ST7: variants seen among roughly 807,000 people sequenced by gnomAD.
ST7 encodes the protein suppression of tumorigenicity 7.
Under a neutral mutation model 78.7 loss-of-function variants are expected in ST7, and 28 were observed. The ratio of observed to expected loss-of-function variants is 0.36; its 90% CI spans 0.26 to 0.49. ST7 has a LOEUF of 0.49. Among genes scored for constraint, ST7 ranks in the 20% least tolerant of loss-of-function variants. The pLI, the probability that ST7 is intolerant of heterozygous loss-of-function variation, is 0.99. For synonymous variants in ST7, 247 were observed against 249.6 expected (o/e 0.99, Z 0.10); for missense variants, 418 against 696.0 (o/e 0.60, Z 4.49).
chr7:116,960,099 T>C (rs1255254012), intron 1 of ST7, among the ~76,000 whole-genome samples: 2 of 152,206 alleles, frequency 1.3e-5, no homozygotes, highest in Non-Finnish European at 2.9e-5. Context: ...AGTTTGATGC[T>C]ATGGCTCTTT....
chr7:117,128,691 A>T (rs1804077394), intron 3 of ST7, among the ~76,000 whole-genome samples: 1 of 151,814 alleles, frequency 6.6e-6, no homozygotes, highest in African/African-American at 2.4e-5. Context: ...CTCCATTATC[A>T]CACTGTGTTG....
chr7:117,030,289 G>A (rs1236516109), intron 1 of ST7, among the ~76,000 whole-genome samples: 2 of 152,136 alleles, frequency 1.3e-5, no homozygotes, highest in Non-Finnish European at 2.9e-5. Flanking sequence ...ATTACCCACT[G>A]AATATATGTT....
rs115714577 is a variant in ST7, at chr7:117,228,133, C to T, written c.1639-1629C>T. On this transcript the variant is annotated intron_variant, in intron 15 of 15. Transcript: ENST00000323984. Reference sequence around the variant, plus strand: ...CCTATTTCTTCCTTTACCATCCTTACTCCATCTCTCTCTTTTGATATTCCA... The same window carrying T: ...CCTATTTCTTCCTTTACCATCCTTATTCCATCTCTCTCTTTTGATATTCCA... 3.8e-3 allele frequency among the ~76,000 whole-genome samples: 579 copies of T among 152,304 alleles called. 3 individuals carry two copies. Among genetic ancestry groups the T allele is most frequent in the African/African-American group, 0.013 (540 of 41,564 alleles).
intron 1 of ST7, among the ~76,000 whole-genome samples, chr7:116,956,146 T>C (rs1585035518): frequency 6.6e-6 from 1 of 152,188 alleles, no homozygotes; most frequent in African/African-American, 2.4e-5. Context: ...TTGCAGACAT[T>C]AGAGGCCTAT....
At chr7:117,055,305 C>A (rs1471681218) in intron 1 of ST7, among the ~76,000 whole-genome samples, 1 of 152,074 alleles carries the variant, frequency 6.6e-6, no homozygotes, top group Non-Finnish European at 1.5e-5. Flanking sequence ...TGAGTTCAAG[C>A]AATTCTCCTC....
intron 1 of ST7, among the ~76,000 whole-genome samples, chr7:116,984,307 T>C (rs989467736): frequency 6.6e-6 from 1 of 152,230 alleles, no homozygotes; most frequent in Non-Finnish European, 1.5e-5. Flanking sequence ...CTTTATAAAT[T>C]ACCTAGTTTC....
intron 1 of ST7, chr7:117,022,888 T>G (rs1345925517): frequency 6.6e-6 from 1 of 152,186 alleles, no homozygotes; most frequent in African/African-American, 2.4e-5. Flanking sequence ...TTTTTGCCCA[T>G]GTTTATACCC....
intron 15 of ST7, among the ~76,000 whole-genome samples, chr7:117,227,599 T>G (rs1239409328): frequency 2.6e-5 from 4 of 152,030 alleles, no homozygotes; most frequent in Admixed American, 2.6e-4. Flanking sequence ...ATATTATGTG[T>G]GTATTTCCTA....
intron 15 of ST7, among the ~76,000 whole-genome samples, chr7:117,227,313 T>C (rs188791339): frequency 1.3e-5 from 2 of 152,328 alleles, no homozygotes; most frequent in East Asian, 3.9e-4. Context: ...CCTTCCCCAC[T>C]CAACCACAAC....
rs186884286 is a variant in ST7, at chr7:117,086,865, C to T, written c.152-12897C>T. Reference sequence around the variant, plus strand: ...CCTTAGGTACAAATGCAAAGCCAAACGTAGTTATTGGAATTGAAAATAATA... The same window carrying T: ...CCTTAGGTACAAATGCAAAGCCAAATGTAGTTATTGGAATTGAAAATAATA... On this transcript the variant is annotated intron_variant, in intron 1 of 15. Coordinates refer to ENST00000323984, the MANE Select transcript of ST7 (RefSeq NM_001369598.1). Among the ~76,000 whole-genome samples the T allele has an allele frequency of 3.3e-5, 5 of 152,212 alleles. No individual in the cohort carries two copies. The East Asian group carries it at 5.8e-4, about 18-fold the overall frequency.
intron 1 of ST7, among the ~76,000 whole-genome samples, chr7:117,079,173 T>C (rs985084508): frequency 6.6e-5 from 10 of 152,192 alleles, no homozygotes; most frequent in Non-Finnish European, 4.4e-5. Context: ...AGTAAAACAA[T>C]AGAGTAAATG....
At chr7:116,965,058 G>T (rs894301249) in intron 1 of ST7, among the ~76,000 whole-genome samples, 1 of 152,130 alleles carries the variant, frequency 6.6e-6, no homozygotes, top group Non-Finnish European at 1.5e-5. Flanking sequence ...TTCCATGGAC[G>T]GCCGGGCGCG....
At chr7:117,187,846 C>T (rs1199665237) in intron 10 of ST7, 2 of 152,042 alleles carry the variant, frequency 1.3e-5, no homozygotes, top group African/African-American at 2.4e-5. Flanking sequence ...AATGAGTATA[C>T]CCTAGAAAAC....
At chr7:117,129,880 G>A (rs765056188) in intron 4 of ST7, 33 bp downstream of exon 4, 3 of 1,582,738 alleles carry the variant, frequency 1.9e-6, no homozygotes, top group Admixed American at 1.7e-5. Context: ...AAACAAATGG[G>A]TCTGGTTCAG....
intron 1 of ST7, among the ~76,000 whole-genome samples, chr7:116,991,417 G>C (rs1293927169): frequency 6.6e-6 from 1 of 152,154 alleles, no homozygotes; most frequent in Non-Finnish European, 1.5e-5. Context: ...AGAATCATGG[G>C]GGGAGGCAAA....
intron 1 of ST7, among the ~76,000 whole-genome samples, chr7:117,082,832 G>A (rs765519679): frequency 6.0e-4 from 92 of 152,236 alleles, no homozygotes; most frequent in East Asian, 9.6e-4. Flanking sequence ...TAACAAGCAC[G>A]GCTGTGTTTA....
At chr7:117,016,526 A>G (rs929709560) in intron 1 of ST7, among the ~76,000 whole-genome samples, 2 of 152,112 alleles carry the variant, frequency 1.3e-5, no homozygotes, top group Non-Finnish European at 1.5e-5. Flanking sequence ...TTATATATGT[A>G]TAATTGATAG....
chr7:117,119,595 C>A lies in ST7; in HGVS notation c.269C>A (p.Thr90Asn). The A allele has an allele frequency of 3.1e-6, 5 of 1,612,702 alleles. No homozygotes were observed. The highest frequency in any genetic ancestry group is 1.1e-5 in the South Asian group (1 of 90,534). ...FEWWYFRKYG[T>N]SFIEQVSVSH... ...TGGTGGTATTTTCGCAAATACGGAA[C>A]TTCATTCATTGAACAAGTCTCAGTA... The change falls in exon 3 of 16, where the codon ACT (threonine) becomes AAT (asparagine). Residue 90 changes from threonine to asparagine, a missense_variant. By Grantham distance (65) the Thr-to-Asn change is moderately conservative (BLOSUM62 0). Around this residue, in one of 4 missense-constraint regions of ST7, gnomAD observed 23 missense variants for 67.7 expected, o/e 0.34. Transcript: ENST00000323984.
At chr7:117,196,471 T>A (rs989053592) in intron 12 of ST7, among the ~76,000 whole-genome samples, 1 of 152,146 alleles carries the variant, frequency 6.6e-6, no homozygotes, top group African/African-American at 2.4e-5. Context: ...ACACGTCAGG[T>A]AAAATTTTTT....
Sources: allele counts gnomAD v4.1 joint callset (sites outside exome capture counted in the v4.1 genomes callset), GRCh38; gene constraint gnomAD v4.1.1; regional missense constraint gnomAD v4.1.1; transcripts MANE v1.5; gene names NCBI Gene and HGNC (gene_info 2026-07-23, HGNC 2026-07-21).